Variants in PCSK5 observed in about 807,000 individuals in gnomAD.
PCSK5 encodes proprotein convertase subtilisin/kexin type 5.
Under a neutral mutation model 233.2 loss-of-function variants are expected in PCSK5, and 129 were observed. The observed-to-expected ratio is 0.55, with a 90% CI of 0.48 to 0.64. The LOEUF is 0.64. Among genes scored for constraint, PCSK5 ranks in the 30% least tolerant of loss-of-function variants. The pLI is 0.00. For synonymous variants in PCSK5, 825 were observed against 879.2 expected (o/e 0.94, Z 1.09); for missense variants, 2,076 against 2,430.1 (o/e 0.85, Z 3.06).
chr9:76,292,497 C>T lies in PCSK5; in HGVS notation c.3185+222C>T, dbSNP rs111422183. On this transcript the variant is annotated intron_variant, in intron 25 of 37. Coordinates refer to ENST00000674117, the MANE Select transcript of PCSK5 (RefSeq NM_001372043.1). ...TTTCTTGATCCTGGAAGTCATCCAG[C>T]CTGACACTGGTGTCTAGGAATCCTG... Among the ~76,000 whole-genome samples the T allele has an allele frequency of 2.8e-3, 431 of 152,300 alleles. 1 individual carries two copies. The highest frequency in any genetic ancestry group is 4.9e-3 in the Non-Finnish European group (332 of 67,996).
chr9:75,891,360 T>C lies in PCSK5; in HGVS notation c.179T>C (p.Ile60Thr). The change falls in exon 1 of 38, where the codon ATC becomes ACC. Residue 60 changes from isoleucine (I) to threonine (T), a missense_variant. Physicochemically the swap from Ile to Thr is moderately conservative, Grantham distance 89. Transcript: ENST00000674117. ...CGTATCGCCAGCAAGTACGGATTCA[T>C]CAACATAGGACAGGTAACGAACTAC... Reference protein sequence around the residue: ...ANRIASKYGFINIGQIGALKD... With the variant: ...ANRIASKYGFTNIGQIGALKD... 1 of 1,561,804 alleles carries C rather than the reference T, an allele frequency of 6.4e-7. No homozygotes were observed. The highest frequency in any genetic ancestry group is 8.6e-7 in the Non-Finnish European group (1 of 1,157,702).
chr9:76,013,430 T>A (rs1827816847), intron 3 of PCSK5, among the ~76,000 whole-genome samples: 1 of 152,172 alleles, frequency 6.6e-6, no homozygotes, highest in African/African-American at 2.4e-5. Flanking sequence ...AAGCATCTTA[T>A]CTATGGGAGT....
At chr9:75,994,674 G>A (rs899409548) in intron 3 of PCSK5, among the ~76,000 whole-genome samples, 7 of 151,696 alleles carry the variant, frequency 4.6e-5, no homozygotes, top group Non-Finnish European at 7.4e-5. Flanking sequence ...CACCCGCCTC[G>A]GCCTCCCAAA....
intron 17 of PCSK5, 74 bp from the exon 18 acceptor site, chr9:76,188,504 T>G: frequency 1.1e-6 from 1 of 897,056 alleles, no homozygotes; most frequent in South Asian, 1.4e-5. Context: ...CTGTTACATA[T>G]GGAGTTTGGG....
At chr9:76,053,056 G>A (rs1244878967) in intron 5 of PCSK5, among the ~76,000 whole-genome samples, 2 of 152,216 alleles carry the variant, frequency 1.3e-5, no homozygotes, top group East Asian at 3.8e-4. Context: ...CCGCCCCTGT[G>A]GCTTTGCAGG....
At chr9:76,202,140 GA>G (rs1303191225) in intron 20 of PCSK5, among the ~76,000 whole-genome samples, 2 of 152,152 alleles carry the variant, frequency 1.3e-5, no homozygotes, top group Non-Finnish European at 2.9e-5. Flanking sequence ...GCAGAAACCG[GA>G]AGTCATCTTG....
At chr9:76,217,502 T>A (rs1450217499) in intron 20 of PCSK5, among the ~76,000 whole-genome samples, 2 of 152,196 alleles carry the variant, frequency 1.3e-5, no homozygotes, top group African/African-American at 4.8e-5. Flanking sequence ...ATTATCACCA[T>A]TTTACAGATG....
intron 22 of PCSK5, among the ~76,000 whole-genome samples, chr9:76,235,688 T>C (rs1826230709): frequency 1.3e-5 from 2 of 152,310 alleles, no homozygotes; most frequent in Admixed American, 6.5e-5. Flanking sequence ...ACCAAATGCA[T>C]GGTAGAAATC....
At chr9:76,263,372 C>G (rs1470373234) in intron 24 of PCSK5, among the ~76,000 whole-genome samples, 1 of 152,094 alleles carries the variant, frequency 6.6e-6, no homozygotes, top group Non-Finnish European at 1.5e-5. Context: ...AGACTTGGAA[C>G]CAACGCAAAT....
intron 2 of PCSK5, among the ~76,000 whole-genome samples, chr9:75,960,420 A>G (rs1367960080): frequency 6.6e-6 from 1 of 152,160 alleles, no homozygotes; most frequent in Non-Finnish European, 1.5e-5. Flanking sequence ...TAATCCCTGA[A>G]AGGAAATAGG....
At chr9:76,276,740 T>C (rs1827700836) in intron 24 of PCSK5, among the ~76,000 whole-genome samples, 1 of 152,190 alleles carries the variant, frequency 6.6e-6, no homozygotes, top group South Asian at 2.1e-4. Context: ...TCTAACCCTT[T>C]ATCTGAATTT....
chr9:76,104,103 T>C (rs1203516261), intron 8 of PCSK5, among the ~76,000 whole-genome samples: 2 of 152,216 alleles, frequency 1.3e-5, no homozygotes, highest in Non-Finnish European at 2.9e-5. Context: ...GTCATTTTTC[T>C]TCAAGATTGC....
At chr9:76,153,357 T>C (rs1165509068) in intron 10 of PCSK5, among the ~76,000 whole-genome samples, 3 of 152,258 alleles carry the variant, frequency 2.0e-5, no homozygotes, top group African/African-American at 7.2e-5. Flanking sequence ...TAAAACTGAA[T>C]TGAATGTTTC....
chr9:76,116,292 G>A (rs897520089), intron 9 of PCSK5, among the ~76,000 whole-genome samples: 7 of 151,992 alleles, frequency 4.6e-5, no homozygotes, highest in African/African-American at 1.7e-4. Context: ...GAAAGACATT[G>A]GATGTTTATA....
At chr9:76,009,758 A>G (rs2131450647) in intron 3 of PCSK5, among the ~76,000 whole-genome samples, 1 of 152,326 alleles carries the variant, frequency 6.6e-6, no homozygotes, top group Non-Finnish European at 1.5e-5. Context: ...ATTGATAGAT[A>G]CATGGAGCAA....
intron 1 of PCSK5, among the ~76,000 whole-genome samples, chr9:75,908,865 CTCTT>C (rs749832278): frequency 0.017 from 2,295 of 134,984 alleles, 22 homozygotes; most frequent in African/African-American, 0.027. Context: ...ATGCATCCTT[CTCTT>C]TCTATTTATC....
At chr9:75,939,879 C>T (rs1048642413) in intron 2 of PCSK5, among the ~76,000 whole-genome samples, 1 of 152,162 alleles carries the variant, frequency 6.6e-6, no homozygotes, top group Admixed American at 6.5e-5. Flanking sequence ...TCACTCCCTC[C>T]GATGAGTAAG....
intron 24 of PCSK5, among the ~76,000 whole-genome samples, chr9:76,247,351 A>G (rs1056198967): frequency 6.6e-6 from 1 of 152,338 alleles, no homozygotes; most frequent in Middle Eastern, 3.4e-3. Flanking sequence ...ATATAAAGGG[A>G]GGGGACCCAA....
rs2131473126 is a variant in PCSK5 at position 76,328,205 on chromosome 9, G to A, written c.4536G>A (p.Gln1512=). The change falls in exon 33 of 38, where the codon CAG becomes CAA. Residue 1512 remains glutamine, a synonymous_variant. Coordinates refer to ENST00000674117, the MANE Select transcript of PCSK5 (RefSeq NM_001372043.1). ...ACTGCATGGGGCCGGCGGAGGACCA[G>A]TGTCAAACATGCCCCATGAACAGCC... is the stretch of plus-strand genomic sequence containing the variant. The part of the protein sequence containing the change: ...CFHCMGPAED[Q]CQTCPMNSLL... 1.2e-6 allele frequency: 2 copies of A among 1,612,804 alleles called. No individual in the cohort carries two copies. The highest frequency in any genetic ancestry group is 2.2e-5 in the South Asian group (2 of 91,074).
Sources: allele counts gnomAD v4.1 joint callset (sites outside exome capture counted in the v4.1 genomes callset), GRCh38; gene constraint gnomAD v4.1.1; transcripts MANE v1.5; gene names NCBI Gene and HGNC (gene_info 2026-07-23, HGNC 2026-07-21).